Variants in RYR1 observed in about 807,000 individuals in gnomAD.
RYR1 encodes ryanodine receptor 1, also known as central core disease of muscle.
In RYR1, 342 loss-of-function variants were observed where a neutral mutation model predicts 583.5. That is an observed-to-expected ratio of 0.59 (90% CI 0.54 to 0.64). RYR1 has a LOEUF of 0.64. Among genes scored for constraint, RYR1 ranks in the 30% least tolerant of loss-of-function variants. The pLI, the probability that RYR1 is intolerant of heterozygous loss-of-function variation, is 0.00. For synonymous variants in RYR1, 2,791 were observed against 2,822.5 expected (o/e 0.99, Z 0.35); for missense variants, 6,032 against 6,917.2 (o/e 0.87, Z 4.54).
At chr19:38,546,302 A>C in intron 87 of RYR1, 143 bp from the exon 88 acceptor site, 1 of 702,576 alleles carries the variant, frequency 1.4e-6, no homozygotes, top group Non-Finnish European at 2.6e-6. Flanking sequence ...GCTTCCGAGG[A>C]ACATGTCTGG....
intron 2 of RYR1, among the ~76,000 whole-genome samples, chr19:38,441,217 C>T (rs1158016293): frequency 1.2e-4 from 6 of 48,642 alleles, no homozygotes; most frequent in Non-Finnish European, 2.2e-4. Flanking sequence ...GGTTGGGGAA[C>T]GGGTCTCAGG....
intron 27 of RYR1, among the ~76,000 whole-genome samples, chr19:38,469,796 G>A (rs1968322000): frequency 6.6e-6 from 1 of 152,128 alleles, no homozygotes; most frequent in Non-Finnish European, 1.5e-5. Flanking sequence ...TCTAGGCATG[G>A]TAGCTCATGC....
chr19:38,459,238 A>G lies in RYR1; in HGVS notation c.2260A>G (p.Ile754Val), dbSNP rs780322180. ...SCCLDLSVPSISFRINGCPVQ... is the reference protein window; with the variant it reads ...SCCLDLSVPSVSFRINGCPVQ... Reference sequence around the variant, plus strand: ...CTGCCTGGACCTCAGCGTGCCGTCCATCTCCTTCCGCATCAACGGCTGCCC... The same window carrying G: ...CTGCCTGGACCTCAGCGTGCCGTCCGTCTCCTTCCGCATCAACGGCTGCCC... Residue 754 changes from isoleucine (I) to valine (V), a missense_variant, in exon 19 of 106, where the codon ATC (isoleucine) becomes GTC (valine). Transcript: ENST00000359596. 1.9e-6 allele frequency: 3 copies of G among 1,614,078 alleles called. No homozygotes were observed. The highest frequency in any genetic ancestry group is 1.3e-5 in the African/African-American group (1 of 75,014).
intron 13 of RYR1, among the ~76,000 whole-genome samples, chr19:38,453,323 T>A (rs1194194622): frequency 2.0e-5 from 3 of 151,514 alleles, no homozygotes; most frequent in Non-Finnish European, 4.4e-5. Context: ...GGGCGGGGCC[T>A]ATGTGAAGCT....
rs771230451 is a variant in RYR1, at chr19:38,473,579, G to A, written c.3968G>A (p.Arg1323Gln). 2 of 1,593,144 alleles carry A rather than the reference G, an allele frequency of 1.3e-6. No individual in the cohort carries two copies. Among genetic ancestry groups the A allele is most frequent in the Non-Finnish European group, 1.7e-6 (2 of 1,170,208 alleles). The change falls in exon 28 of 106, where the codon CGG (arginine) becomes CAG (glutamine). Residue 1323 changes from arginine to glutamine, a missense_variant. Around this residue, in one of 11 missense-constraint regions of RYR1, gnomAD observed 2,627 missense variants for 2,961.3 expected, o/e 0.89. Coordinates refer to ENST00000359596, the MANE Select transcript of RYR1 (RefSeq NM_000540.3). ...GLQPPAEDEA[R>Q]AAEPDPDYEN... is the part of the protein sequence containing the mutation. ...CAGCCCCCCGCCGAGGACGAGGCCC[G>A]GGCGGCGGAACCCGACCCTGACTAC...
In RYR1 at chr19:38,532,556, C is replaced by G. The variant is rs370928637; in HGVS notation, c.11193+15C>G. 4.6e-5 allele frequency: 75 copies of G among 1,614,042 alleles called. No individual in the cohort carries two copies. Among genetic ancestry groups the G allele is most frequent in the Non-Finnish European group, 5.8e-5 (68 of 1,180,034 alleles). ...TCATGGCAAAGGTGAGGCCCTACCC[C>G]CCTCTTCTGGGGCAGATTTCCCTCT... On this transcript the variant is annotated intron_variant, in intron 77 of 105. Transcript: ENST00000359596.
At position 38,565,705 on chromosome 19, in the gene RYR1, G is replaced by A; in HGVS notation, c.13371G>A (p.Met4457Ile). The stretch of plus-strand genomic sequence containing the variant: ...AAGGGGCTGGCGGTCTCGGGGACAT[G>A]GGGGACACGACGCCTGCGGAACCGC... ...RPEGAGGLGD[M>I]GDTTPAEPPT... Residue 4457 changes from methionine to isoleucine, a missense_variant, in exon 91 of 106, where the codon ATG (methionine) becomes ATA (isoleucine). Transcript: ENST00000359596. This position sits in a 1 kb window ranked among gnomAD's most constrained non-coding sequence, Gnocchi z 4.7. 1 of 1,425,072 alleles carries A rather than the reference G, an allele frequency of 7.0e-7. No individual in the cohort carries two copies. The highest frequency in any genetic ancestry group is 9.1e-7 in the Non-Finnish European group (1 of 1,097,804). The allele number at this position is 1,425,072 out of a possible 1,614,324, so 88.3% of individuals were successfully genotyped here.
intron 101 of RYR1, 76 bp downstream of exon 101, chr19:38,580,580 C>T (rs979651531): frequency 5.1e-6 from 8 of 1,576,928 alleles, no homozygotes; most frequent in Non-Finnish European, 6.9e-6. Flanking sequence ...TACCTCCAGG[C>T]CGGGCGTGGT....
intron 89 of RYR1, among the ~76,000 whole-genome samples, chr19:38,551,732 A>G (rs1447998227): frequency 6.6e-6 from 1 of 151,316 alleles, no homozygotes; most frequent in Non-Finnish European, 1.5e-5. Flanking sequence ...TCCCTCCCCA[A>G]CCCTGAGGGG....
chr19:38,448,630 G>A lies in RYR1; in HGVS notation c.958-19G>A. On this transcript the variant is annotated intron_variant, in intron 10 of 105. Transcript: ENST00000359596. The stretch of plus-strand genomic sequence containing the variant: ...ACACACAGGCAGAGGAGGCTGACCT[G>A]TGTCCCCTGCCCCTGTAGGAGAAGC... 6.2e-7 allele frequency: 1 copy of A among 1,614,192 alleles called. No homozygotes were observed. The highest frequency in any genetic ancestry group is 8.5e-7 in the Non-Finnish European group (1 of 1,180,022).
intron 49 of RYR1, 33 bp downstream of exon 49, chr19:38,503,003 C>T (rs746248731): frequency 2.2e-5 from 35 of 1,596,256 alleles, no homozygotes; most frequent in Non-Finnish European, 2.7e-5. Flanking sequence ...ATCTCATTTC[C>T]AGGCCGCACC....
intron 12 of RYR1, 116 bp from the exon 13 acceptor site, chr19:38,452,703 C>A: frequency 1.1e-6 from 1 of 910,004 alleles, no homozygotes; most frequent in Non-Finnish European, 1.6e-6. Context: ...GCGTCTCGGT[C>A]TCCCTCTCTG....
chr19:38,485,282 G>A (rs568931909), intron 33 of RYR1, among the ~76,000 whole-genome samples: 1 of 152,072 alleles, frequency 6.6e-6, no homozygotes, highest in African/African-American at 2.4e-5. Flanking sequence ...GGGACTTCCA[G>A]AACCATTGAA....
intron 84 of RYR1, among the ~76,000 whole-genome samples, chr19:38,542,061 C>T (rs1972217905): frequency 7.7e-6 from 1 of 130,228 alleles, no homozygotes. Flanking sequence ...AGAGGGAGAC[C>T]TTGTCAAAAA....
At chr19:38,443,821 G>A in intron 5 of RYR1, 25 bp downstream of exon 5, 1 of 1,611,760 alleles carries the variant, frequency 6.2e-7, no homozygotes, top group South Asian at 1.1e-5. Context: ...GGGGATGGGG[G>A]TGTGAAGGGG....
At chr19:38,544,719 C>T (rs1407616619) in intron 87 of RYR1, among the ~76,000 whole-genome samples, 1 of 151,816 alleles carries the variant, frequency 6.6e-6, no homozygotes, top group African/African-American at 2.4e-5. Context: ...AATGCAATTC[C>T]TCCGTGTCAC....
chr19:38,459,256 G>A lies in RYR1; in HGVS notation c.2278G>A (p.Gly760Ser), dbSNP rs778783052. The A allele has an allele frequency of 9.9e-6, 16 of 1,613,924 alleles. No individual in the cohort carries two copies. The highest frequency in any genetic ancestry group is 1.7e-5 in the Admixed American group (1 of 59,992). ...SVPSISFRIN[G>S]CPVQGVFESF... ...GCCGTCCATCTCCTTCCGCATCAAC[G>A]GCTGCCCCGTGCAGGGTGTCTTTGA... is the stretch of plus-strand genomic sequence containing the variant. Residue 760 changes from glycine (G) to serine (S), a missense_variant, in exon 19 of 106, where the codon GGC becomes AGC. Gly to Ser is a moderately conservative substitution (Grantham distance 56). Transcript: ENST00000359596.
chr19:38,456,790 T>A (rs1967419390), intron 16 of RYR1, among the ~76,000 whole-genome samples: 1 of 151,054 alleles, frequency 6.6e-6, no homozygotes, highest in African/African-American at 2.4e-5. Flanking sequence ...CTCACGCCTG[T>A]AATCCCAGCA....
At chr19:38,548,550 G>A (rs767739359) in intron 89 of RYR1, 130 bp downstream of exon 89, 3 of 828,156 alleles carry the variant, frequency 3.6e-6, no homozygotes, top group Non-Finnish European at 5.9e-6. Context: ...GTAAAATGAG[G>A]ATAAAACAGT....
Sources: gnomAD v4.1 joint callset for allele counts (sites outside exome capture counted in the v4.1 genomes callset) on GRCh38, gnomAD v4.1.1 for gene constraint, gnomAD v4.1.1 regional missense constraint, Gnocchi (gnomAD v3.1) non-coding constraint, MANE v1.5 for transcripts, NCBI Gene and HGNC (gene_info 2026-07-23, HGNC 2026-07-21) for gene names.